Variants in ROBO3 observed in about 807,000 individuals in gnomAD.
ROBO3 encodes the protein roundabout homolog 3.
ROBO3 carries 97 observed loss-of-function variants against 160.5 expected under a neutral mutation model. That is an observed-to-expected ratio of 0.60 (90% CI 0.51 to 0.72). The LOEUF (loss-of-function observed/expected upper bound fraction) is 0.72, where lower values mean the gene tolerates loss of function less well. Ranked by LOEUF, ROBO3 falls within the 30% of genes least tolerant of loss-of-function variation. The pLI, the probability that ROBO3 is intolerant of heterozygous loss-of-function variation, is 0.00. For synonymous variants in ROBO3, 780 were observed against 746.2 expected, an observed-to-expected ratio of 1.05 and a Z score of -0.74; for missense variants, 1,858 against 1,846.5, an observed-to-expected ratio of 1.01 and a Z score of -0.11.
chr11:124,877,765 C>T (rs1186152175), intron 20 of ROBO3, 107 bp downstream of exon 20: 9 of 1,451,348 alleles, frequency 6.2e-6, no homozygotes, highest in African/African-American at 2.8e-5. Context: ...TGGTCAGTCC[C>T]TGGGGAGGAT....
In ROBO3 at chr11:124,870,667, C is replaced by T. The variant is rs547090319; in HGVS notation, c.972C>T (p.Tyr324=). Reference sequence around the variant, plus strand: ...TGAGTGCCGAAGATGAGGGAACGTACACCTGTGTGGCGGAGAACAGTGTGG... The same window carrying T: ...TGAGTGCCGAAGATGAGGGAACGTATACCTGTGTGGCGGAGAACAGTGTGG... ...GHVSAEDEGT[Y]TCVAENSVGR... The change falls in exon 6 of 28, where the codon TAC becomes TAT. Residue 324 remains tyrosine, a synonymous_variant. Transcript: ENST00000397801. 9.3e-6 allele frequency: 15 copies of T among 1,613,340 alleles called. No individual in the cohort carries two copies. The East Asian group carries it at 3.1e-4, about 34-fold the overall frequency.
chr11:124,867,260 C>G (rs551958989), intron 1 of ROBO3, among the ~76,000 whole-genome samples: 3 of 152,304 alleles, frequency 2.0e-5, no homozygotes, highest in Non-Finnish European at 4.4e-5. Context: ...AACACAAGCC[C>G]TTAAATAATG....
chr11:124,877,727 G>A (rs1421009586), intron 20 of ROBO3, 69 bp downstream of exon 20: 1 of 1,567,404 alleles, frequency 6.4e-7, no homozygotes, highest in African/African-American at 1.4e-5. Flanking sequence ...AAACCGAAGG[G>A]CGCCCGGGAG....
In ROBO3 at chr11:124,879,865, C is replaced by T. The variant is rs1227701143; in HGVS notation, c.3875C>T (p.Ser1292Phe). 6.2e-7 allele frequency: 1 copy of T among 1,613,560 alleles called. No homozygotes were observed. Among genetic ancestry groups the T allele is most frequent in the Admixed American group, 1.7e-5 (1 of 59,992 alleles). ...GAGCTGAGGGCAGCAGGCAGCATGTCCTCCCTGGAGCGGGAGCGCAGTGGG... is the reference window on the plus strand; with the variant it reads ...GAGCTGAGGGCAGCAGGCAGCATGTTCTCCCTGGAGCGGGAGCGCAGTGGG... Reference protein sequence around the residue: ...ALELRAAGSMSSLERERSGER... With the variant: ...ALELRAAGSMFSLERERSGER... The change falls in exon 26 of 28, where the codon TCC (serine) becomes TTC (phenylalanine). Residue 1292 changes from serine (S) to phenylalanine (F), a missense_variant. Ser to Phe is a radical substitution (Grantham distance 155). Coordinates refer to ENST00000397801, the MANE Select transcript of ROBO3 (RefSeq NM_022370.4).
rs1946481957 is a variant in ROBO3 at position 124,878,979 on chromosome 11, A to T, written c.3533+183A>T. The stretch of plus-strand genomic sequence containing the variant: ...GAGGCTGACAAGATCTCTCATGCCC[A>T]TTAGACTGGCTCTTGCTGGAGTGGT... On this transcript the variant is annotated intron_variant, in intron 23 of 27. Coordinates refer to ENST00000397801, the MANE Select transcript of ROBO3 (RefSeq NM_022370.4). This position sits in a 1 kb window ranked among gnomAD's most constrained non-coding sequence, Gnocchi z 4.3. The T allele has an allele frequency of 1.3e-6, 1 of 752,538 alleles. No individual in the cohort carries two copies. Among genetic ancestry groups the T allele is most frequent in the African/African-American group, 1.8e-5 (1 of 57,058 alleles). 46.6% of individuals were successfully genotyped at this position (752,538 alleles called of 1,614,324 possible). A position where few individuals can be genotyped will look rare whatever the true frequency, so the allele number is the denominator to read the frequency against.
rs1392348336 is a variant in ROBO3 at position 124,878,172 on chromosome 11, G to A, written c.3181+41G>A. 6.3e-7 allele frequency: 1 copy of A among 1,575,666 alleles called. No homozygotes were observed. The highest frequency in any genetic ancestry group is 1.3e-5 in the African/African-American group (1 of 74,244). On this transcript the variant is annotated intron_variant, in intron 21 of 27. Transcript: ENST00000397801. This position sits in a 1 kb window ranked among gnomAD's most constrained non-coding sequence, Gnocchi z 4.3. Reference sequence around the variant, plus strand: ...CTGAAACCCCGTTTAGCCCTGACCAGGGTATCCCCAAAGAGGATCCTCCTC... The same window carrying A: ...CTGAAACCCCGTTTAGCCCTGACCAAGGTATCCCCAAAGAGGATCCTCCTC...
chr11:124,877,217 C>G, intron 18 of ROBO3, 33 bp downstream of exon 18: 1 of 1,613,968 alleles, frequency 6.2e-7, no homozygotes. Context: ...GGGTTCAGAC[C>G]CCCCGGGACG....
Position 124,872,855 on chromosome 11 carries a change from C to G in ROBO3, c.1331-29C>G. Reference sequence around the variant, plus strand: ...GCCCGCGGGGCCCTAAGCTCCTCCCCTGAGGTGCACACGTTCTTCCTCTCT... The same window carrying G: ...GCCCGCGGGGCCCTAAGCTCCTCCCGTGAGGTGCACACGTTCTTCCTCTCT... On this transcript the variant is annotated intron_variant, in intron 8 of 27. Coordinates refer to ENST00000397801, the MANE Select transcript of ROBO3 (RefSeq NM_022370.4). The surrounding 1 kb of genome is among the most constrained non-coding windows in gnomAD (Gnocchi z 4.3). 6.5e-7 allele frequency: 1 copy of G among 1,541,454 alleles called. No homozygotes were observed. The highest frequency in any genetic ancestry group is 1.2e-5 in the South Asian group (1 of 80,342).
In ROBO3 at chr11:124,869,433, C is replaced by G; in HGVS notation, c.488-17C>G. 7.6e-7 allele frequency: 1 copy of G among 1,317,816 alleles called. No individual in the cohort carries two copies. Among genetic ancestry groups the G allele is most frequent in the Non-Finnish European group, 1.1e-6 (1 of 937,240 alleles). 81.6% of individuals were successfully genotyped at this position (1,317,816 alleles called of 1,614,324 possible). On this transcript the variant is annotated splice_polypyrimidine_tract_variant and intron_variant, in intron 2 of 27. Coordinates refer to ENST00000397801, the MANE Select transcript of ROBO3 (RefSeq NM_022370.4). This position sits in a 1 kb window ranked among gnomAD's most constrained non-coding sequence, Gnocchi z 4.2. ...ACTCTACACCCTGCTTATTTCGCCCCCCACCGCCCCGCCCAGTCCTCCGTG... is the reference window on the plus strand; with the variant it reads ...ACTCTACACCCTGCTTATTTCGCCCGCCACCGCCCCGCCCAGTCCTCCGTG...
intron 25 of ROBO3, 97 bp downstream of exon 25, chr11:124,879,672 G>A (rs1027631710): frequency 1.3e-6 from 2 of 1,539,222 alleles, no homozygotes; most frequent in African/African-American, 2.7e-5. Context: ...GGGAACAGGT[G>A]AACCCCAATC....
At position 124,865,816 on chromosome 11, in the gene ROBO3, C is replaced by A; in HGVS notation, c.160+79C>A. The A allele has an allele frequency of 1.4e-6, 2 of 1,437,574 alleles. No homozygotes were observed. Among genetic ancestry groups the A allele is most frequent in the Non-Finnish European group, 9.3e-7 (1 of 1,074,752 alleles). 89.1% of individuals were successfully genotyped at this position (1,437,574 alleles called of 1,614,324 possible). Reference sequence around the variant, plus strand: ...GGGCGGCGTGGAAGGGAAGGAGAAGCGCTCCTGTCCCGAGGTCCGGGATTG... The same window carrying A: ...GGGCGGCGTGGAAGGGAAGGAGAAGAGCTCCTGTCCCGAGGTCCGGGATTG... On this transcript the variant is annotated intron_variant, in intron 1 of 27. Transcript: ENST00000397801. The surrounding 1 kb of genome is among the most constrained non-coding windows in gnomAD (Gnocchi z 5.5).
Position 124,869,142 on chromosome 11 carries a change from G to C in ROBO3, c.487+14G>C. The C allele has an allele frequency of 6.5e-7, 1 of 1,529,000 alleles. No homozygotes were observed. Among genetic ancestry groups the C allele is most frequent in the Non-Finnish European group, 8.8e-7 (1 of 1,137,386 alleles). 94.7% of individuals were successfully genotyped at this position (1,529,000 alleles called of 1,614,324 possible). A position where few individuals can be genotyped will look rare whatever the true frequency, so the allele number is the denominator to read the frequency against. ...TGGAAGTGGCAGGTGAGAGTCAGTT[G>C]ACCGTCAGCTGGTTGCTTCCAGAGC... On this transcript the variant is annotated intron_variant, in intron 2 of 27. Transcript: ENST00000397801. This position sits in a 1 kb window ranked among gnomAD's most constrained non-coding sequence, Gnocchi z 4.2.
chr11:124,868,851 G>C lies in ROBO3; in HGVS notation c.210G>C (p.Pro70=), dbSNP rs1345621159. Residue 70 remains proline, a synonymous_variant, in exon 2 of 28, where the codon CCG becomes CCC. Transcript: ENST00000397801. The stretch of plus-strand genomic sequence containing the variant: ...CTATGCCCCGCATCGTGGAGCAGCC[G>C]CCAGATCTGCTGGTCTCCCGAGGCG... ...EDAMPRIVEQ[P]PDLLVSRGEP... 6.2e-7 allele frequency: 1 copy of C among 1,609,684 alleles called. No individual in the cohort carries two copies. The highest frequency in any genetic ancestry group is 1.3e-5 in the African/African-American group (1 of 74,886).
In ROBO3 at chr11:124,876,445, C is replaced by A; in HGVS notation, c.2764C>A (p.Leu922Ile). Reference protein sequence around the residue: ...LYWRRKQRKELSHYTASFAYT... With the variant: ...LYWRRKQRKEISHYTASFAYT... ...CTGGCGCCGGAAACAGCGCAAAGAG[C>A]TCAGCCACTACACGGGTGAGCTCCC... The change falls in exon 17 of 28, where the codon CTC becomes ATC. Residue 922 changes from leucine to isoleucine, a missense_variant. Transcript: ENST00000397801. This position sits in a 1 kb window ranked among gnomAD's most constrained non-coding sequence, Gnocchi z 5.3. The A allele has an allele frequency of 7.0e-7, 1 of 1,436,388 alleles. No homozygotes were observed. 89.0% of individuals were successfully genotyped at this position (1,436,388 alleles called of 1,614,324 possible). A position where few individuals can be genotyped will look rare whatever the true frequency, so the allele number is the denominator to read the frequency against.
intron 1 of ROBO3, chr11:124,868,331 C>T (rs1226630114): frequency 3.5e-6 from 1 of 289,820 alleles, no homozygotes; most frequent in African/African-American, 2.1e-5. Flanking sequence ...TTTCACTGAG[C>T]CAGGACCTTG....
At chr11:124,870,889 G>A in intron 6 of ROBO3, 125 bp from the exon 7 acceptor site, 17 of 1,520,228 alleles carry the variant, frequency 1.1e-5, no homozygotes, top group Non-Finnish European at 1.5e-5. Context: ...AACAGGCCGG[G>A]AGGAAGAGAT....
Position 124,872,327 on chromosome 11 carries a change from T to C in ROBO3, c.1159-54T>C. On this transcript the variant is annotated intron_variant, in intron 7 of 27. Coordinates refer to ENST00000397801, the MANE Select transcript of ROBO3 (RefSeq NM_022370.4). This position sits in a 1 kb window ranked among gnomAD's most constrained non-coding sequence, Gnocchi z 4.3. Reference sequence around the variant, plus strand: ...TGAGATTGACAGGAATGGGGACCTCTCCCTGCCCAGCTGCCTGCTCATTCC... The same window carrying C: ...TGAGATTGACAGGAATGGGGACCTCCCCCTGCCCAGCTGCCTGCTCATTCC... The C allele has an allele frequency of 6.5e-7, 1 of 1,530,178 alleles. No homozygotes were observed. Among genetic ancestry groups the C allele is most frequent in the Non-Finnish European group, 9.1e-7 (1 of 1,103,896 alleles). The allele number at this position is 1,530,178 out of a possible 1,614,324, so 94.8% of individuals were successfully genotyped here.
chr11:124,873,666 C>T lies in ROBO3; in HGVS notation c.1619-31C>T, dbSNP rs1457772811. 1.9e-6 allele frequency: 3 copies of T among 1,580,058 alleles called. No individual in the cohort carries two copies. The highest frequency in any genetic ancestry group is 2.6e-6 in the Non-Finnish European group (3 of 1,161,640). ...TACACTAGGATTATCCTTTCCCTAT[C>T]TTTCTACTTAAAGATTATCTCCCAC... On this transcript the variant is annotated intron_variant, in intron 10 of 27. Transcript: ENST00000397801. This position sits in a 1 kb window ranked among gnomAD's most constrained non-coding sequence, Gnocchi z 4.5.
Position 124,876,451 on chromosome 11 carries a change from C to G in ROBO3, c.2770C>G (p.His924Asp). The G allele has an allele frequency of 7.0e-7, 1 of 1,429,490 alleles. No individual in the cohort carries two copies. The highest frequency in any genetic ancestry group is 9.1e-7 in the Non-Finnish European group (1 of 1,097,152). The allele number at this position is 1,429,490 out of a possible 1,614,324, so 88.6% of individuals were successfully genotyped here. Residue 924 changes from histidine to aspartate, a missense_variant, in exon 17 of 28, where the codon CAC (histidine) becomes GAC (aspartate). Coordinates refer to ENST00000397801, the MANE Select transcript of ROBO3 (RefSeq NM_022370.4). This position sits in a 1 kb window ranked among gnomAD's most constrained non-coding sequence, Gnocchi z 5.3. ...CCGGAAACAGCGCAAAGAGCTCAGC[C>G]ACTACACGGGTGAGCTCCCGGCCTC... ...WRRKQRKELS[H>D]YTASFAYTPA...
Sources: allele counts gnomAD v4.1 joint callset (sites outside exome capture counted in the v4.1 genomes callset), GRCh38; gene constraint gnomAD v4.1.1; non-coding constraint Gnocchi (gnomAD v3.1); transcripts MANE v1.5; gene names NCBI Gene and HGNC (gene_info 2026-07-23, HGNC 2026-07-21).